The following COL11A1 variants were observed in gnomAD, a reference collection of about 807,000 sequenced individuals.
COL11A1 encodes collagen type XI alpha 1 chain.
A neutral mutation model predicts 265.2 loss-of-function variants in COL11A1; 74 were observed. The observed-to-expected ratio is 0.28, with a 90% CI of 0.23 to 0.34. The LOEUF is 0.34. Among genes scored for constraint, COL11A1 ranks in the 10% least tolerant of loss-of-function variants. The pLI is 1.00. For synonymous variants in COL11A1, 816 were observed against 727.6 expected (o/e 1.12, Z -1.96); for missense variants, 2,165 against 2,263.6 (o/e 0.96, Z 0.88).
chr1:103,082,239 G>C (rs1366711188), intron 2 of COL11A1, among the ~76,000 whole-genome samples: 1 of 151,994 alleles, frequency 6.6e-6, no homozygotes, highest in African/African-American at 2.4e-5. Context: ...ACTGTGAGAT[G>C]TGACTAACTT....
intron 41 of COL11A1, among the ~76,000 whole-genome samples, chr1:102,958,539 G>A (rs1163672560): frequency 6.6e-6 from 1 of 152,066 alleles, no homozygotes; most frequent in Admixed American, 6.6e-5. Flanking sequence ...CTCAGCACTT[G>A]TTATGAACTG....
intron 1 of COL11A1, among the ~76,000 whole-genome samples, chr1:103,102,711 A>G (rs1674379139): frequency 2.0e-5 from 3 of 151,976 alleles, no homozygotes; most frequent in Admixed American, 6.6e-5. Context: ...AATGATGGAG[A>G]TATCTCAGCA....
intron 5 of COL11A1, among the ~76,000 whole-genome samples, chr1:103,029,035 T>G (rs190113172): frequency 1.3e-5 from 2 of 152,190 alleles, no homozygotes; most frequent in Admixed American, 1.3e-4. Context: ...TAAATTAAAA[T>G]CTGTCTACAT....
chr1:102,973,225 A>G (rs1662138724), intron 36 of COL11A1, among the ~76,000 whole-genome samples: 1 of 152,170 alleles, frequency 6.6e-6, no homozygotes, highest in African/African-American at 2.4e-5. Context: ...TTTGTTTATC[A>G]GTGAAAGAAA....
intron 54 of COL11A1, among the ~76,000 whole-genome samples, chr1:102,901,752 T>C (rs563154902): frequency 2.6e-5 from 4 of 152,218 alleles, no homozygotes; most frequent in Non-Finnish European, 5.9e-5. Flanking sequence ...AAGAGAACTA[T>C]TCTTCATATA....
chr1:103,059,030 T>A (rs1670452164), intron 4 of COL11A1, among the ~76,000 whole-genome samples: 2 of 147,958 alleles, frequency 1.4e-5, no homozygotes, highest in Admixed American at 6.8e-5. Context: ...GAGCACATGC[T>A]GCTGGAAAAA....
intron 41 of COL11A1, among the ~76,000 whole-genome samples, chr1:102,953,658 A>C (rs12142523): frequency 0.12 from 18,991 of 152,150 alleles, 1,420 homozygotes; most frequent in Middle Eastern, 0.18. Flanking sequence ...AATCTCAAAT[A>C]ATTGTAGAAG....
intron 1 of COL11A1, among the ~76,000 whole-genome samples, chr1:103,105,853 A>G (rs773700253): frequency 1.6e-4 from 24 of 152,178 alleles, no homozygotes; most frequent in Non-Finnish European, 3.2e-4. Flanking sequence ...AAGAATGCCT[A>G]CAAAAGTGGA....
intron 50 of COL11A1, 61 bp downstream of exon 50, chr1:102,915,570 A>C: frequency 7.2e-7 from 1 of 1,391,984 alleles, no homozygotes; most frequent in Non-Finnish European, 1.0e-6. Context: ...CATGTTTGTA[A>C]TGCTGTAAAA....
chr1:103,101,631 A>G (rs942401578), intron 1 of COL11A1, among the ~76,000 whole-genome samples: 6 of 151,862 alleles, frequency 4.0e-5, no homozygotes, highest in Non-Finnish European at 7.4e-5. Flanking sequence ...GCTTCCCCTG[A>G]TACTCTGTGC....
intron 49 of COL11A1, among the ~76,000 whole-genome samples, chr1:102,918,589 AAAC>A (rs1570726251): frequency 3.9e-5 from 1 of 25,542 alleles, no homozygotes; most frequent in South Asian, 9.1e-3. Flanking sequence ...CAACAACAAA[AAAC>A]AAACAAACAA....
chr1:103,054,739 T>TA (rs1670105612), intron 4 of COL11A1, among the ~76,000 whole-genome samples: 1 of 151,940 alleles, frequency 6.6e-6, no homozygotes, highest in South Asian at 2.1e-4. Context: ...TTGTCTCTAC[T>TA]AAAATTACAA....
intron 3 of COL11A1, among the ~76,000 whole-genome samples, chr1:103,077,295 G>A (rs948649217): frequency 1.5e-4 from 22 of 151,458 alleles, no homozygotes; most frequent in Non-Finnish European, 8.8e-5. Context: ...TGAATAGGAT[G>A]TGGGCTGGGC....
chr1:102,938,308 A>AT (rs1658359072), intron 44 of COL11A1, among the ~76,000 whole-genome samples: 1 of 152,244 alleles, frequency 6.6e-6, no homozygotes, highest in African/African-American at 2.4e-5. Context: ...GAAAAAAAAA[A>AT]CTTGAAGGAC....
At chr1:102,883,445 G>C in intron 63 of COL11A1, 134 bp from the exon 64 acceptor site, 1 of 675,132 alleles carries the variant, frequency 1.5e-6, no homozygotes, top group Non-Finnish European at 2.7e-6. Context: ...TAAGCTTTTG[G>C]GCATATTGGG....
Position 103,005,899 on chromosome 1 carries a change from AC to A in COL11A1, c.1792-9del, listed in dbSNP as rs781339059. 2.0e-5 allele frequency: 31 copies of A among 1,529,620 alleles called. No individual in the cohort carries two copies. In the South Asian group the frequency reaches 2.2e-4, roughly 11 times the overall value. 94.8% of individuals were successfully genotyped at this position (1,529,620 alleles called of 1,614,324 possible). A position where few individuals can be genotyped will look rare whatever the true frequency, so the allele number is the denominator to read the frequency against. ...ATCAAACCCTCGATCTCCCTGTAAA[AC>A]CATCATCATCATCATCATCATCATC... On this transcript the variant is annotated splice_polypyrimidine_tract_variant and intron_variant, in intron 17 of 66. Coordinates refer to ENST00000370096, the MANE Select transcript of COL11A1 (RefSeq NM_001854.4).
intron 1 of COL11A1, among the ~76,000 whole-genome samples, chr1:103,085,750 C>T (rs370809630): frequency 5.9e-5 from 9 of 152,254 alleles, no homozygotes; most frequent in African/African-American, 2.2e-4. Context: ...CTGCTTGCAA[C>T]GGCTATGTTT....
At chr1:102,919,506 A>C (rs1237324354) in intron 49 of COL11A1, among the ~76,000 whole-genome samples, 1 of 152,002 alleles carries the variant, frequency 6.6e-6, no homozygotes, top group East Asian at 1.9e-4. Context: ...CAAGTAGCAT[A>C]TTAAGGAATT....
At chr1:103,026,119 G>T in intron 6 of COL11A1, 97 bp downstream of exon 6, 1 of 1,200,082 alleles carries the variant, frequency 8.3e-7, no homozygotes, top group Non-Finnish European at 1.2e-6. Context: ...TAAGATGAAT[G>T]AAAGGTTTAT....
Sources: gnomAD v4.1 joint callset for allele counts (sites outside exome capture counted in the v4.1 genomes callset) on GRCh38, gnomAD v4.1.1 for gene constraint, MANE v1.5 for transcripts, NCBI Gene and HGNC (gene_info 2026-07-23, HGNC 2026-07-21) for gene names.